The following RBFOX1 variants were observed in gnomAD, a reference collection of about 807,000 sequenced individuals.
RBFOX1 encodes the protein RNA binding protein fox-1 homolog 1.
RBFOX1 carries 8 observed loss-of-function variants against 57.7 expected under a neutral mutation model. The observed-to-expected ratio is 0.14, with a 90% CI of 0.08 to 0.25. The LOEUF is 0.25. Ranked by LOEUF, RBFOX1 falls within the 10% of genes least tolerant of loss-of-function variation. The pLI, the probability that RBFOX1 is intolerant of heterozygous loss-of-function variation, is 1.00. For missense variants in RBFOX1, 611 were observed against 548.5 expected (o/e 1.11, Z -1.14); for synonymous variants, 326 against 222.4 (o/e 1.47, Z -4.15).
intron 1 of RBFOX1, among the ~76,000 whole-genome samples, chr16:6,088,996 C>T (rs553474245): frequency 3.3e-5 from 5 of 150,190 alleles, no homozygotes; most frequent in Admixed American, 2.0e-4. Flanking sequence ...CTCGAGAGGC[C>T]GAGGCAGGAC....
intron 3 of RBFOX1, among the ~76,000 whole-genome samples, chr16:6,842,303 AT>A (rs915050804): frequency 1.3e-4 from 20 of 150,760 alleles, no homozygotes. Flanking sequence ...TTTCTTAATT[AT>A]TTTTTTCTGA....
intron 1 of RBFOX1, among the ~76,000 whole-genome samples, chr16:6,061,212 C>G (rs1221239069): frequency 6.6e-6 from 1 of 152,006 alleles, no homozygotes; most frequent in Non-Finnish European, 1.5e-5. Context: ...GGACAGGGAC[C>G]CACTATAGCA....
chr16:7,690,543 C>G (rs1289666113), intron 14 of RBFOX1, among the ~76,000 whole-genome samples: 2 of 152,092 alleles, frequency 1.3e-5, no homozygotes, highest in East Asian at 3.9e-4. Context: ...AGTTTAAATT[C>G]ACGGGTCTGT....
At chr16:7,080,139 A>G (rs1345122784) in intron 4 of RBFOX1, among the ~76,000 whole-genome samples, 1 of 150,482 alleles carries the variant, frequency 6.6e-6, no homozygotes, top group African/African-American at 2.4e-5. Flanking sequence ...ATACTTTACT[A>G]TATCAATATT....
intron 3 of RBFOX1, among the ~76,000 whole-genome samples, chr16:5,822,009 G>A (rs2151806025): frequency 1.3e-5 from 2 of 152,322 alleles, no homozygotes; most frequent in Middle Eastern, 3.4e-3. Flanking sequence ...TATCAGGTAT[G>A]AACACTTAAC....
chr16:6,801,359 A>G (rs1461594452), intron 3 of RBFOX1, among the ~76,000 whole-genome samples: 1 of 152,154 alleles, frequency 6.6e-6, no homozygotes, highest in African/African-American at 2.4e-5. Flanking sequence ...AGGCTTATGT[A>G]TTTAAGGTGT....
chr16:7,468,612 C>T lies in RBFOX1; in HGVS notation c.28-49535C>T, dbSNP rs565993943. ...TGTTGATGTAGGTCCCAGAATGAGC[C>T]TTTTAGGAATCTGGGGAACTTATGT... On this transcript the variant is annotated intron_variant, in intron 4 of 15. Transcript: ENST00000550418. 1.2e-4 allele frequency among the ~76,000 whole-genome samples: 19 copies of T among 152,154 alleles called. 1 individual carries two copies. The East Asian group carries it at 2.9e-3, about 23-fold the overall frequency.
At chr16:7,268,681 AT>A (rs2153102822) in intron 4 of RBFOX1, among the ~76,000 whole-genome samples, 1 of 152,170 alleles carries the variant, frequency 6.6e-6, no homozygotes, top group South Asian at 2.1e-4. Context: ...CCCATGTTTT[AT>A]TTGGAAATTA....
At chr16:5,810,189 G>C (rs906416522) in intron 3 of RBFOX1, among the ~76,000 whole-genome samples, 9 of 140,292 alleles carry the variant, frequency 6.4e-5, no homozygotes, top group South Asian at 2.7e-4. Context: ...GTTGGGGGAG[G>C]AGGGAGGGAT....
At chr16:7,034,840 T>C (rs1470974733) in intron 3 of RBFOX1, among the ~76,000 whole-genome samples, 4 of 96,090 alleles carry the variant, frequency 4.2e-5, no homozygotes, top group Non-Finnish European at 6.0e-5. Flanking sequence ...TTTTTTTTTT[T>C]CTTTTTTCTT....
intron 4 of RBFOX1, among the ~76,000 whole-genome samples, chr16:7,083,895 T>C (rs1471096745): frequency 1.3e-5 from 2 of 152,066 alleles, no homozygotes; most frequent in Non-Finnish European, 2.9e-5. Context: ...GTGGTGAAGC[T>C]AGGAACCCTA....
chr16:5,414,851 G>C (rs970834618), intron 1 of RBFOX1, among the ~76,000 whole-genome samples: 2 of 152,138 alleles, frequency 1.3e-5, no homozygotes, highest in Admixed American at 6.5e-5. Context: ...GATTCTTCTT[G>C]AGGAAGTTAA....
rs149833717 is a variant in RBFOX1, at chr16:6,752,872, T to C, written c.-16+98222T>C. Among the ~76,000 whole-genome samples, 146 of 152,218 alleles carry C rather than the reference T, an allele frequency of 9.6e-4. 1 individual carries two copies. Among genetic ancestry groups the C allele is most frequent in the African/African-American group, 3.4e-3 (143 of 41,534 alleles). The stretch of plus-strand genomic sequence containing the variant: ...CTCTGTCAGCCTCTCTGCTCACATA[T>C]TGCAGTTCCTCTGTTCTCCCAGAGA... On this transcript the variant is annotated intron_variant, in intron 3 of 15. Coordinates refer to ENST00000550418, the MANE Select transcript of RBFOX1 (RefSeq NM_018723.4).
At chr16:7,382,065 G>A (rs1820667703) in intron 4 of RBFOX1, among the ~76,000 whole-genome samples, 1 of 152,208 alleles carries the variant, frequency 6.6e-6, no homozygotes, top group African/African-American at 2.4e-5. Context: ...TCAGTTGGAA[G>A]TTGGTTCTGG....
intron 4 of RBFOX1, among the ~76,000 whole-genome samples, chr16:7,439,945 CTTTCTTTTTTTT>C (rs2098753042): frequency 8.8e-6 from 1 of 113,394 alleles, no homozygotes; most frequent in South Asian, 3.1e-4. Context: ...CAAATCTTTT[CTTTCTTTTTTTT>C]TTTTTTTTTT....
intron 3 of RBFOX1, among the ~76,000 whole-genome samples, chr16:6,889,214 G>C (rs1367832599): frequency 6.6e-6 from 1 of 152,150 alleles, no homozygotes; most frequent in Non-Finnish European, 1.5e-5. Flanking sequence ...CTGTCTTTGA[G>C]CCTTTCCATG....
At chr16:5,289,272 C>T in intron 1 of RBFOX1, 3 of 402,314 alleles carry the variant, frequency 7.5e-6, no homozygotes, top group Non-Finnish European at 4.8e-6. Context: ...TCATTGGGCA[C>T]CCAGGCATCA....
chr16:6,964,352 T>C (rs1222790618), intron 3 of RBFOX1, among the ~76,000 whole-genome samples: 2 of 152,214 alleles, frequency 1.3e-5, no homozygotes, highest in African/African-American at 4.8e-5. Flanking sequence ...GAAAATACTC[T>C]ATGTGACACT....
At chr16:6,121,517 C>G (rs1461710504) in intron 1 of RBFOX1, among the ~76,000 whole-genome samples, 1 of 152,200 alleles carries the variant, frequency 6.6e-6, no homozygotes, top group African/African-American at 2.4e-5. Flanking sequence ...AATGATCCAG[C>G]CACATTAACC....
Sources: gnomAD v4.1 joint callset for allele counts (sites outside exome capture counted in the v4.1 genomes callset) on GRCh38, gnomAD v4.1.1 for gene constraint, MANE v1.5 for transcripts, NCBI Gene and HGNC (gene_info 2026-07-23, HGNC 2026-07-21) for gene names.